Variants in CCSER1 observed in about 807,000 individuals in gnomAD.
CCSER1 encodes serine-rich coiled-coil domain-containing protein 1.
Under a neutral mutation model 82.0 loss-of-function variants are expected in CCSER1, and 41 were observed. The observed-to-expected ratio is 0.50, with a 90% CI of 0.39 to 0.65. The LOEUF is 0.65. Among genes scored for constraint, CCSER1 ranks in the 30% least tolerant of loss-of-function variants. The pLI, the probability that CCSER1 is intolerant of heterozygous loss-of-function variation, is 0.00. For missense variants in CCSER1, 1,119 were observed against 1,064.2 expected (o/e 1.05, Z -0.72); for synonymous variants, 414 against 383.9 (o/e 1.08, Z -0.92).
intron 5 of CCSER1, among the ~76,000 whole-genome samples, chr4:90,625,203 G>C (rs531328347): frequency 1.7e-4 from 26 of 152,212 alleles, no homozygotes; most frequent in African/African-American, 6.3e-4. Flanking sequence ...TTAATATGTT[G>C]TCTGTGCTAG....
chr4:91,572,893 G>T (rs1351753590), intron 10 of CCSER1, among the ~76,000 whole-genome samples: 1 of 151,932 alleles, frequency 6.6e-6, no homozygotes, highest in South Asian at 2.1e-4. Context: ...CCCCTAGTCA[G>T]CTGGGACTCT....
chr4:90,661,888 C>G (rs1383428934), intron 6 of CCSER1, among the ~76,000 whole-genome samples: 1 of 151,024 alleles, frequency 6.6e-6, no homozygotes, highest in African/African-American at 2.4e-5. Context: ...GCAGGCATTA[C>G]TTCCATTCTG....
In CCSER1 at chr4:91,071,178, C is replaced by T. The variant is rs114434732; in HGVS notation, c.2173-14772C>T. Among the ~76,000 whole-genome samples the T allele has an allele frequency of 6.0e-3, 921 of 152,280 alleles. 9 individuals are homozygous for T. Among genetic ancestry groups the T allele is most frequent in the African/African-American group, 0.021 (874 of 41,554 alleles). ...AGAACCTAGCATCATGCACCAAGCA[C>T]TGTTTGAGCAACTGGTATAATTTAG... On this transcript the variant is annotated intron_variant, in intron 9 of 10. Coordinates refer to ENST00000509176, the MANE Select transcript of CCSER1 (RefSeq NM_001145065.2).
chr4:91,445,034 CT>C (rs1224732093), intron 10 of CCSER1, among the ~76,000 whole-genome samples: 1 of 152,156 alleles, frequency 6.6e-6, no homozygotes, highest in African/African-American at 2.4e-5. Flanking sequence ...CTACATTATA[CT>C]GTAAAGATGT....
intron 10 of CCSER1, among the ~76,000 whole-genome samples, chr4:91,359,620 A>ATC (rs1749111892): frequency 6.6e-6 from 1 of 151,672 alleles, no homozygotes; most frequent in Admixed American, 6.6e-5. Flanking sequence ...AGCGATTAGT[A>ATC]TCTCAGATCT....
intron 1 of CCSER1, among the ~76,000 whole-genome samples, chr4:90,129,232 G>A (rs1242081627): frequency 6.6e-6 from 1 of 151,826 alleles, no homozygotes. Context: ...ACGGATAAGA[G>A]GACACCTAGG....
chr4:91,265,798 T>C (rs1448373548), intron 10 of CCSER1, among the ~76,000 whole-genome samples: 1 of 152,194 alleles, frequency 6.6e-6, no homozygotes, highest in Non-Finnish European at 1.5e-5. Flanking sequence ...CTGAAAAATT[T>C]TGGGAAAACG....
intron 6 of CCSER1, among the ~76,000 whole-genome samples, chr4:90,652,611 T>A (rs2149051381): frequency 6.6e-6 from 1 of 152,270 alleles, no homozygotes; most frequent in South Asian, 2.1e-4. Context: ...CTCTTCCCTG[T>A]TATCTTATTA....
chr4:91,276,471 T>C (rs568995503), intron 10 of CCSER1, among the ~76,000 whole-genome samples: 35 of 152,172 alleles, frequency 2.3e-4, no homozygotes, highest in African/African-American at 7.9e-4. Flanking sequence ...ATAACACTAC[T>C]GATTTTTGTA....
At chr4:90,406,124 AAC>A (rs989164191) in intron 4 of CCSER1, among the ~76,000 whole-genome samples, 19 of 152,190 alleles carry the variant, frequency 1.2e-4, no homozygotes, top group Non-Finnish European at 5.9e-5. Flanking sequence ...AAACTCACCT[AAC>A]ACGTAAGAAT....
At chr4:91,159,454 G>A (rs1731156120) in intron 10 of CCSER1, among the ~76,000 whole-genome samples, 1 of 151,844 alleles carries the variant, frequency 6.6e-6, no homozygotes, top group South Asian at 2.1e-4. Context: ...TTAAAAACAA[G>A]ATGGCATTAT....
chr4:90,165,698 A>C (rs1481393902), intron 1 of CCSER1, among the ~76,000 whole-genome samples: 1 of 152,068 alleles, frequency 6.6e-6, no homozygotes, highest in Non-Finnish European at 1.5e-5. Context: ...CATACTAAGA[A>C]GGAAGCATAG....
chr4:90,915,797 A>C (rs1394727101), intron 8 of CCSER1, among the ~76,000 whole-genome samples: 1 of 152,114 alleles, frequency 6.6e-6, no homozygotes, highest in African/African-American at 2.4e-5. Flanking sequence ...CCTTAAGCTG[A>C]TAAGCAACTT....
chr4:91,248,546 A>G (rs891329317), intron 10 of CCSER1, among the ~76,000 whole-genome samples: 9 of 152,176 alleles, frequency 5.9e-5, no homozygotes, highest in African/African-American at 1.7e-4. Context: ...AACATCATAT[A>G]AATCCCAAGT....
rs1560796508 is a variant in CCSER1, at chr4:91,605,093, C to G, written c.*6036C>G. 6.6e-6 allele frequency: 1 copy of G among 151,648 alleles called. No individual in the cohort carries two copies. Among genetic ancestry groups the G allele is most frequent in the African/African-American group, 2.4e-5 (1 of 41,298 alleles). 9.4% of individuals were successfully genotyped at this position (151,648 alleles called of 1,614,324 possible). ...GAGAAAGATAATAAATAGAAAATTA[C>G]CCTGGAAATTAAAATTTTTAGCAAT... On this transcript the variant is annotated 3_prime_UTR_variant, in exon 11 of 11. Transcript: ENST00000509176.
chr4:91,413,947 G>T (rs1045555323), intron 10 of CCSER1, among the ~76,000 whole-genome samples: 5 of 151,950 alleles, frequency 3.3e-5, no homozygotes, highest in African/African-American at 1.2e-4. Context: ...CAAGAAAAGT[G>T]GTCTTTCATA....
intron 10 of CCSER1, among the ~76,000 whole-genome samples, chr4:91,454,565 A>G (rs1466500786): frequency 6.6e-6 from 1 of 151,980 alleles, no homozygotes; most frequent in African/African-American, 2.4e-5. Context: ...AAAAGTTAAC[A>G]TTTACAGGTG....
intron 10 of CCSER1, among the ~76,000 whole-genome samples, chr4:91,488,690 A>G (rs1758350987): frequency 1.3e-5 from 2 of 152,112 alleles, no homozygotes; most frequent in Admixed American, 1.3e-4. Flanking sequence ...CCATGATTCT[A>G]AGTTTCCTGA....
At chr4:90,655,074 G>A (rs886603844) in intron 6 of CCSER1, among the ~76,000 whole-genome samples, 6 of 151,832 alleles carry the variant, frequency 4.0e-5, no homozygotes, top group Admixed American at 2.0e-4. Flanking sequence ...ACCTATAGAT[G>A]GCATTAATAT....
Sources: gnomAD v4.1 joint callset for allele counts (sites outside exome capture counted in the v4.1 genomes callset) on GRCh38, gnomAD v4.1.1 for gene constraint, MANE v1.5 for transcripts, NCBI Gene and HGNC (gene_info 2026-07-23, HGNC 2026-07-21) for gene names.